Variants in KANK2 observed in about 807,000 individuals in gnomAD.
KANK2 encodes the protein KN motif and ankyrin repeat domain-containing protein 2.
In KANK2, 41 loss-of-function variants were observed where a neutral mutation model predicts 74.6. That is an observed-to-expected ratio of 0.55 (90% CI 0.43 to 0.71). The LOEUF (loss-of-function observed/expected upper bound fraction) is 0.71, where lower values mean the gene tolerates loss of function less well. Among genes scored for constraint, KANK2 ranks in the 30% least tolerant of loss-of-function variants. KANK2 has a pLI of 0.00. For synonymous variants in KANK2, 537 were observed against 519.0 expected (o/e 1.03, Z -0.47); for missense variants, 1,148 against 1,196.4 (o/e 0.96, Z 0.60).
chr19:11,166,554 A>G lies in KANK2; in HGVS notation c.*4T>C. The G allele has an allele frequency of 6.2e-7, 1 of 1,613,940 alleles. No individual in the cohort carries two copies. The highest frequency in any genetic ancestry group is 8.5e-7 in the Non-Finnish European group (1 of 1,179,798). ...GGTCTGGCTGGTCCCCGCCTCCCTCACGGCTACTCTTCTGCCGAGGATGAT... is the reference window on the plus strand; with the variant it reads ...GGTCTGGCTGGTCCCCGCCTCCCTCGCGGCTACTCTTCTGCCGAGGATGAT... On this transcript the variant is annotated 3_prime_UTR_variant, in exon 13 of 13. Transcript: ENST00000586659.
chr19:11,174,744 G>GACACCCCCCACCCC, intron 8 of KANK2, 52 bp from the exon 9 acceptor site: 2 of 1,434,218 alleles, frequency 1.4e-6, no homozygotes, highest in African/African-American at 2.8e-5. Flanking sequence ...GGCCCACTGG[G>GACACCCCCCACCCC]ACACCCCCCA....
At position 11,165,066 on chromosome 19, in the gene KANK2, C is replaced by G. The variant is rs2077994255; in HGVS notation, c.*1492G>C. The G allele has an allele frequency of 6.6e-6, 1 of 152,084 alleles. No individual in the cohort carries two copies. The highest frequency in any genetic ancestry group is 2.1e-4 in the South Asian group (1 of 4,832). 9.4% of individuals were successfully genotyped at this position (152,084 alleles called of 1,614,324 possible). ...GAACCCTTCCCTTTCTGTTGCTCAC[C>G]AAGGAAAAGGCACAAGAAAGACAAT... On this transcript the variant is annotated 3_prime_UTR_variant, in exon 13 of 13. Coordinates refer to ENST00000586659, the MANE Select transcript of KANK2 (RefSeq NM_001136191.3).
chr19:11,194,068 C>T (rs568117576), intron 3 of KANK2, 26 bp from the exon 4 acceptor site: 1 of 1,573,266 alleles, frequency 6.4e-7, no homozygotes, highest in East Asian at 2.2e-5. Flanking sequence ...ACACCAGGAC[C>T]TTTGAATCCT....
chr19:11,173,730 G>A (rs1203914719), intron 9 of KANK2, among the ~76,000 whole-genome samples: 2 of 152,142 alleles, frequency 1.3e-5, no homozygotes, highest in Admixed American at 6.5e-5. Flanking sequence ...ATCAGACTGG[G>A]AGGACAGCAT....
In KANK2 at chr19:11,176,582, TCTC is replaced by T. The variant is rs750605495; in HGVS notation, c.1753_1755del (p.Glu585del). ...CCTCCTACCCAGAAAACTGACCTGA[TCTC>T]CTCCTCCGTGTTTGATCCTGATGCC... On this transcript the variant is annotated inframe_deletion, in exon 7 of 13. Coordinates refer to ENST00000586659, the MANE Select transcript of KANK2 (RefSeq NM_001136191.3). 27 of 1,580,046 alleles carry T rather than the reference TCTC, an allele frequency of 1.7e-5. No individual in the cohort carries two copies. Among genetic ancestry groups the T allele is most frequent in the South Asian group, 2.3e-5 (2 of 86,552 alleles).
At chr19:11,190,647 G>A (rs1262170194) in intron 4 of KANK2, among the ~76,000 whole-genome samples, 2 of 152,182 alleles carry the variant, frequency 1.3e-5, no homozygotes, top group South Asian at 2.1e-4. Context: ...TAGGGCTAGA[G>A]AGGTGATGTT....
chr19:11,176,955 G>C lies in KANK2; in HGVS notation c.1521-138C>G, dbSNP rs1391245810. On this transcript the variant is annotated intron_variant, in intron 6 of 12. Transcript: ENST00000586659. Reference sequence around the variant, plus strand: ...GTTCAATGGCAGTATTGACATTCCAGGGTTGTGGGATGTGGTTTACAGCAA... The same window carrying C: ...GTTCAATGGCAGTATTGACATTCCACGGTTGTGGGATGTGGTTTACAGCAA... 9.8e-6 allele frequency: 10 copies of C among 1,025,610 alleles called. No homozygotes were observed. The Admixed American group carries it at 1.0e-4, about 10-fold the overall frequency. The allele number at this position is 1,025,610 out of a possible 1,614,324, so 63.5% of individuals were successfully genotyped here. A position where few individuals can be genotyped will look rare whatever the true frequency, so the allele number is the denominator to read the frequency against.
intron 2 of KANK2, chr19:11,195,210 C>G (rs12976810): frequency 0.069 from 10,464 of 152,262 alleles, 426 homozygotes; most frequent in Admixed American, 0.089. Flanking sequence ...AACAGTTTCA[C>G]TGCCGGGCTA....
At chr19:11,176,453 C>T in intron 7 of KANK2, 125 bp downstream of exon 7, 3 of 1,112,514 alleles carry the variant, frequency 2.7e-6, no homozygotes, top group African/African-American at 3.1e-5. Flanking sequence ...TGCTCGTTTG[C>T]TAATTCAGAC....
In KANK2 at chr19:11,175,894, G is replaced by C; in HGVS notation, c.1848+8C>G. On this transcript the variant is annotated splice_region_variant and intron_variant, in intron 8 of 12. Coordinates refer to ENST00000586659, the MANE Select transcript of KANK2 (RefSeq NM_001136191.3). Reference sequence around the variant, plus strand: ...GGTGGCCAACCTAGGCCCAGGGCCAGATCGTACCAGCTCCCGCTCTGTGAG... The same window carrying C: ...GGTGGCCAACCTAGGCCCAGGGCCACATCGTACCAGCTCCCGCTCTGTGAG... The C allele has an allele frequency of 6.2e-7, 1 of 1,612,484 alleles. No individual in the cohort carries two copies. Among genetic ancestry groups the C allele is most frequent in the Non-Finnish European group, 8.5e-7 (1 of 1,178,968 alleles).
Position 11,166,482 on chromosome 19 carries a change from A to C in KANK2, c.*76T>G. 1 of 1,372,638 alleles carries C rather than the reference A, an allele frequency of 7.3e-7. No individual in the cohort carries two copies. Among genetic ancestry groups the C allele is most frequent in the South Asian group, 1.2e-5 (1 of 85,890 alleles). The allele number at this position is 1,372,638 out of a possible 1,614,324, so 85.0% of individuals were successfully genotyped here. ...GGAGTGTGAGTGGGGTGGGCCAGGG[A>C]GGAACGGGAACAGGGAGGAGACGGG... On this transcript the variant is annotated 3_prime_UTR_variant, in exon 13 of 13. Transcript: ENST00000586659.
chr19:11,177,574 A>G (rs945784921), intron 6 of KANK2, among the ~76,000 whole-genome samples: 14 of 150,992 alleles, frequency 9.3e-5, no homozygotes, highest in African/African-American at 3.2e-4. Context: ...CTTGTCTCGA[A>G]CTCCTGAACT....
At position 11,173,004 on chromosome 19, in the gene KANK2, T is replaced by G. The variant is rs1435751445; in HGVS notation, c.2188A>C (p.Asn730His). The change falls in exon 10 of 13, where the codon AAC (asparagine) becomes CAC (histidine). Residue 730 changes from asparagine to histidine, a missense_variant. Physicochemically the swap from Asn to His is moderately conservative, Grantham distance 68. Transcript: ENST00000586659. Reference sequence around the variant, plus strand: ...ACCTGGCTGGCTTTGGCATTGATGTTGCCAAGCCGGAAGAGCTGAAGGACA... The same window carrying G: ...ACCTGGCTGGCTTTGGCATTGATGTGGCCAAGCCGGAAGAGCTGAAGGACA... Reference protein sequence around the residue: ...ETVLQLFRLGNINAKASQAGQ... With the variant: ...ETVLQLFRLGHINAKASQAGQ... The G allele has an allele frequency of 1.2e-6, 2 of 1,613,790 alleles. No homozygotes were observed. The highest frequency in any genetic ancestry group is 1.7e-6 in the Non-Finnish European group (2 of 1,179,870).
intron 4 of KANK2, among the ~76,000 whole-genome samples, chr19:11,189,235 G>A (rs1280841129): frequency 2.0e-5 from 3 of 151,764 alleles, no homozygotes; most frequent in African/African-American, 7.3e-5. Flanking sequence ...AGGATTACAG[G>A]CATAAGCCAC....
chr19:11,175,427 CAAAAAAAAAAAA>C (rs753933217), intron 8 of KANK2, among the ~76,000 whole-genome samples: 547 of 14,980 alleles, frequency 0.037, 12 homozygotes, highest in Middle Eastern at 0.15. Flanking sequence ...GACTCCCTCT[CAAAAAAAAAAAA>C]AAAAAAAAAA....
rs77154803 is a variant in KANK2, at chr19:11,174,247, G to A, written c.2068+226C>T. The stretch of plus-strand genomic sequence containing the variant: ...CACCCCATTGAACTGGGAAGGTGCC[G>A]TCTCCTCTATCAAACTGGAAGGCTG... On this transcript the variant is annotated intron_variant, in intron 9 of 12. Transcript: ENST00000586659. Among the ~76,000 whole-genome samples the A allele has an allele frequency of 0.015, 2,279 of 152,292 alleles. 47 individuals carry two copies. The highest frequency in any genetic ancestry group is 0.051 in the African/African-American group (2,111 of 41,558).
At position 11,170,014 on chromosome 19, in the gene KANK2, G is replaced by C; in HGVS notation, c.2412+34C>G. 1.9e-6 allele frequency: 3 copies of C among 1,611,682 alleles called. No homozygotes were observed. Among genetic ancestry groups the C allele is most frequent in the Non-Finnish European group, 1.7e-6 (2 of 1,177,926 alleles). On this transcript the variant is annotated intron_variant, in intron 11 of 12. Coordinates refer to ENST00000586659, the MANE Select transcript of KANK2 (RefSeq NM_001136191.3). This position sits in a 1 kb window ranked among gnomAD's most constrained non-coding sequence, Gnocchi z 5.2. ...AATGACGTCCCCATGCTGTGCTCCC[G>C]CCCTCCCCGGGGTGCACCTGGTTGG...
At chr19:11,185,232 C>A (rs1356704412) in intron 4 of KANK2, among the ~76,000 whole-genome samples, 1 of 143,592 alleles carries the variant, frequency 7.0e-6, no homozygotes, top group Non-Finnish European at 1.5e-5. Context: ...CCAGCCTGGG[C>A]AACATGGTGG....
intron 9 of KANK2, 35 bp downstream of exon 9, chr19:11,174,438 G>T: frequency 6.5e-7 from 1 of 1,542,474 alleles, no homozygotes; most frequent in Non-Finnish European, 8.8e-7. Context: ...CAGCTGGCTG[G>T]TTTAGAGCCG....
Sources: allele counts gnomAD v4.1 joint callset (sites outside exome capture counted in the v4.1 genomes callset), GRCh38; gene constraint gnomAD v4.1.1; non-coding constraint Gnocchi (gnomAD v3.1); transcripts MANE v1.5; gene names NCBI Gene and HGNC (gene_info 2026-07-23, HGNC 2026-07-21).